Variants in SLC8A1 observed in about 807,000 individuals in gnomAD.
The protein encoded by SLC8A1 is sodium/calcium exchanger 1.
SLC8A1 carries 18 observed loss-of-function variants against 68.3 expected under a neutral mutation model. The observed-to-expected ratio is 0.26, with a 90% CI of 0.18 to 0.39. SLC8A1 has a LOEUF of 0.39. Ranked by LOEUF, SLC8A1 falls within the 10% of genes least tolerant of loss-of-function variation. The pLI is 1.00. For synonymous variants in SLC8A1, 475 were observed against 415.5 expected, an observed-to-expected ratio of 1.14 and a Z score of -1.74; for missense variants, 985 against 1,156.7, an observed-to-expected ratio of 0.85 and a Z score of 2.15.
chr2:40,387,558 G>A (rs1393592772), intron 2 of SLC8A1, among the ~76,000 whole-genome samples: 1 of 151,282 alleles, frequency 6.6e-6, no homozygotes, highest in African/African-American at 2.5e-5. Flanking sequence ...GAAGAAAGGG[G>A]CATCCTAGAC....
chr2:40,265,442 A>T (rs1272131909), intron 2 of SLC8A1, among the ~76,000 whole-genome samples: 1 of 152,184 alleles, frequency 6.6e-6, no homozygotes, highest in Non-Finnish European at 1.5e-5. Context: ...TTGCTCTTTG[A>T]CTTAAAAAAA....
intron 2 of SLC8A1, chr2:40,251,554 G>C (rs958471683): frequency 2.6e-5 from 4 of 152,170 alleles, no homozygotes; most frequent in Non-Finnish European, 4.4e-5. Flanking sequence ...AGCTTGTAAG[G>C]CCTGTGCATT....
chr2:40,219,176 C>T (rs2057947238), intron 2 of SLC8A1, among the ~76,000 whole-genome samples: 1 of 152,108 alleles, frequency 6.6e-6, no homozygotes, highest in South Asian at 2.1e-4. Context: ...GGAGTTGGGT[C>T]ATGGAGATTA....
chr2:40,327,978 C>A (rs188388293), intron 2 of SLC8A1, among the ~76,000 whole-genome samples: 1 of 151,312 alleles, frequency 6.6e-6, no homozygotes, highest in East Asian at 1.9e-4. Context: ...ACAGTATTTG[C>A]CCTGAAAATC....
At chr2:40,511,664 A>C (rs576400031) in intron 1 of SLC8A1, among the ~76,000 whole-genome samples, 134 of 152,232 alleles carry the variant, frequency 8.8e-4, no homozygotes, top group Admixed American at 9.2e-4. Context: ...TTTCCTCTCA[A>C]GTTCCAAAGT....
chr2:40,325,310 T>G (rs1263823356), intron 2 of SLC8A1, among the ~76,000 whole-genome samples: 1 of 152,050 alleles, frequency 6.6e-6, no homozygotes, highest in East Asian at 1.9e-4. Context: ...GAAGAGAATG[T>G]TTCTTGAGAG....
chr2:40,459,430 T>C (rs535214563), intron 1 of SLC8A1, among the ~76,000 whole-genome samples: 1 of 152,286 alleles, frequency 6.6e-6, no homozygotes, highest in African/African-American at 2.4e-5. Context: ...TTTTTAGGAA[T>C]TCCTGCCTCA....
At chr2:40,314,394 G>T (rs62150812) in intron 2 of SLC8A1, among the ~76,000 whole-genome samples, 2 of 151,564 alleles carry the variant, frequency 1.3e-5, no homozygotes, top group Non-Finnish European at 2.9e-5. Context: ...ACACTAGCTT[G>T]GTACCTGAAA....
At chr2:40,244,565 CAAA>C (rs70957161) in intron 2 of SLC8A1, among the ~76,000 whole-genome samples, 25,344 of 127,264 alleles carry the variant, frequency 0.2, 2,411 homozygotes, top group Middle Eastern at 0.26. Context: ...TATGAAAAAC[CAAA>C]AAAAAAAAAA....
intron 2 of SLC8A1, among the ~76,000 whole-genome samples, chr2:40,282,926 T>G (rs569273910): frequency 6.6e-6 from 1 of 152,194 alleles, no homozygotes; most frequent in Non-Finnish European, 1.5e-5. Context: ...TTCGTCTGTA[T>G]AGTGATGGCC....
intron 7 of SLC8A1, among the ~76,000 whole-genome samples, chr2:40,137,826 T>C (rs1160233673): frequency 6.6e-6 from 1 of 152,120 alleles, no homozygotes; most frequent in Non-Finnish European, 1.5e-5. Context: ...CTAGGTCTCC[T>C]AGCTCCTCCA....
At position 40,308,754 on chromosome 2, in the gene SLC8A1, A is replaced by G. The variant is rs143707082; in HGVS notation, c.1808+119719T>C. On this transcript the variant is annotated intron_variant, in intron 2 of 7. Coordinates refer to ENST00000406785, the Ensembl canonical transcript of SLC8A1. ...GGGGAAAGGGAGTCAGGTAGACGCCATGGAGATCAGACACCTGGCTGATTA... is the reference window on the plus strand; with the variant it reads ...GGGGAAAGGGAGTCAGGTAGACGCCGTGGAGATCAGACACCTGGCTGATTA... Among the ~76,000 whole-genome samples, 374 of 152,308 alleles carry G rather than the reference A, an allele frequency of 2.5e-3. 1 individual carries two copies. The highest frequency in any genetic ancestry group is 8.5e-3 in the African/African-American group (352 of 41,588).
intron 1 of SLC8A1, among the ~76,000 whole-genome samples, chr2:40,470,461 G>A (rs969938693): frequency 1.3e-5 from 2 of 151,800 alleles, no homozygotes; most frequent in African/African-American, 4.8e-5. Context: ...ACTAGGCTAA[G>A]ACATTATTAT....
chr2:40,493,749 G>C (rs1233276188), intron 1 of SLC8A1, among the ~76,000 whole-genome samples: 1 of 150,098 alleles, frequency 6.7e-6, no homozygotes, highest in Non-Finnish European at 1.5e-5. Flanking sequence ...CTGCCTCCCA[G>C]ATTCAAGCAA....
chr2:40,161,944 G>A (rs1206518475), intron 5 of SLC8A1, among the ~76,000 whole-genome samples: 1 of 152,104 alleles, frequency 6.6e-6, no homozygotes, highest in Non-Finnish European at 1.5e-5. Context: ...CAACTAACTG[G>A]GAGTAAGCAA....
Position 40,139,274 on chromosome 2 carries a change from C to T in SLC8A1, c.2437+127G>A, listed in dbSNP as rs534876877. On this transcript the variant is annotated intron_variant, in intron 7 of 7. Transcript: ENST00000406785. ...TTCCGGCAGTAACATTTATTTATAC[C>T]TCAGGGCTCTCGTCTTTCATAGGTC... 4.6e-5 allele frequency: 48 copies of T among 1,048,444 alleles called. No homozygotes were observed. The African/African-American group carries it at 7.2e-4, about 16-fold the overall frequency. The allele number at this position is 1,048,444 out of a possible 1,614,324, so 64.9% of individuals were successfully genotyped here. A position where few individuals can be genotyped will look rare whatever the true frequency, so the allele number is the denominator to read the frequency against.
chr2:40,417,863 G>C (rs1042673416), intron 2 of SLC8A1, among the ~76,000 whole-genome samples: 1 of 99,766 alleles, frequency 1.0e-5, no homozygotes, highest in African/African-American at 5.8e-5. Flanking sequence ...CTGATAGCTT[G>C]GATGGATACA....
intron 2 of SLC8A1, among the ~76,000 whole-genome samples, chr2:40,233,670 C>T (rs1383250193): frequency 2.8e-5 from 4 of 142,564 alleles, no homozygotes; most frequent in South Asian, 2.3e-4. Flanking sequence ...AAGTCTTTGC[C>T]CATGCCTATG....
chr2:40,235,218 C>T (rs2060202891), intron 2 of SLC8A1, among the ~76,000 whole-genome samples: 1 of 152,122 alleles, frequency 6.6e-6, no homozygotes, highest in Non-Finnish European at 1.5e-5. Flanking sequence ...GGCTGTGAAT[C>T]CATCTGGTCC....
Sources: gnomAD v4.1 joint callset for allele counts (sites outside exome capture counted in the v4.1 genomes callset) on GRCh38, gnomAD v4.1.1 for gene constraint, MANE v1.5 for transcripts, NCBI Gene and HGNC (gene_info 2026-07-23, HGNC 2026-07-21) for gene names.